TPP2: variants seen among roughly 807,000 people sequenced by gnomAD.
TPP2 encodes tripeptidyl-peptidase 2.
TPP2 carries 34 observed loss-of-function variants against 155.9 expected under a neutral mutation model. The observed-to-expected ratio is 0.22, with a 90% CI of 0.17 to 0.29. TPP2 has a LOEUF of 0.29. Among genes scored for constraint, TPP2 ranks in the 10% least tolerant of loss-of-function variants. TPP2 has a pLI of 1.00. For synonymous variants in TPP2, 510 were observed against 529.4 expected, an observed-to-expected ratio of 0.96 and a Z score of 0.50; for missense variants, 1,028 against 1,522.3, an observed-to-expected ratio of 0.68 and a Z score of 5.40.
At position 102,649,113 on chromosome 13, in the gene TPP2, T is replaced by C. The variant is rs1339863291; in HGVS notation, c.2835T>C (p.Tyr945=). ...KSSNLTLPPK[Y]NQPFFVTSLP... ...GCAATTTGACATTACCACCCAAATA[T>C]AACCAGCCATTCTTTGTTACTTCCT... Residue 945 remains tyrosine, a synonymous_variant, in exon 22 of 30, where the codon TAT becomes TAC. Coordinates refer to ENST00000376052, the MANE Select transcript of TPP2 (RefSeq NM_001330588.2). 4 of 1,611,704 alleles carry C rather than the reference T, an allele frequency of 2.5e-6. No homozygotes were observed. In the African/African-American group the frequency reaches 4.0e-5, roughly 16 times the overall value.
chr13:102,641,441 G>A (rs1366402771), intron 16 of TPP2, among the ~76,000 whole-genome samples: 1 of 152,182 alleles, frequency 6.6e-6, no homozygotes, highest in African/African-American at 2.4e-5. Flanking sequence ...GTAGATAGGT[G>A]TCATTAGTAA....
chr13:102,662,730 G>A (rs1057145845), intron 25 of TPP2, among the ~76,000 whole-genome samples: 3 of 152,042 alleles, frequency 2.0e-5, no homozygotes, highest in African/African-American at 7.2e-5. Flanking sequence ...TTATACTACT[G>A]TGCAGTTTTG....
At chr13:102,651,986 A>G (rs1883523127) in intron 24 of TPP2, among the ~76,000 whole-genome samples, 1 of 152,204 alleles carries the variant, frequency 6.6e-6, no homozygotes, top group South Asian at 2.1e-4. Flanking sequence ...GCCCATCGCT[A>G]CTAAGTGGTC....
intron 9 of TPP2, 143 bp downstream of exon 9, chr13:102,629,752 G>A: frequency 8.5e-7 from 1 of 1,174,210 alleles, no homozygotes; most frequent in South Asian, 2.1e-5. Context: ...AGTCTGGTAG[G>A]GGAACCAGCA....
At chr13:102,662,014 G>A (rs1884261520) in intron 25 of TPP2, among the ~76,000 whole-genome samples, 1 of 152,180 alleles carries the variant, frequency 6.6e-6, no homozygotes, top group Non-Finnish European at 1.5e-5. Flanking sequence ...CCAAAAGGTG[G>A]AATGTCCATC....
At chr13:102,616,749 C>T (rs902022148) in intron 4 of TPP2, among the ~76,000 whole-genome samples, 3 of 152,184 alleles carry the variant, frequency 2.0e-5, no homozygotes, top group African/African-American at 7.2e-5. Context: ...TATGAATTCT[C>T]CCATGAAAGC....
At chr13:102,645,209 G>A (rs1222678730) in intron 19 of TPP2, among the ~76,000 whole-genome samples, 200 bp downstream of exon 19, 1 of 152,136 alleles carries the variant, frequency 6.6e-6, no homozygotes, top group East Asian at 1.9e-4. Context: ...CAAAGTCAAG[G>A]ATGGTGGATA....
At chr13:102,629,661 A>G (rs1487627420) in intron 9 of TPP2, 52 bp downstream of exon 9, 4 of 1,534,160 alleles carry the variant, frequency 2.6e-6, no homozygotes, top group South Asian at 2.6e-5. Context: ...CAAACAAAAA[A>G]CAATAGTTAA....
intron 14 of TPP2, among the ~76,000 whole-genome samples, chr13:102,637,798 G>T (rs1882482034): frequency 6.6e-6 from 1 of 152,124 alleles, no homozygotes; most frequent in South Asian, 2.1e-4. Context: ...TGATCCTCCT[G>T]CCTTGGCCTC....
intron 27 of TPP2, among the ~76,000 whole-genome samples, chr13:102,665,943 T>C (rs897967682): frequency 7.9e-5 from 12 of 152,228 alleles, no homozygotes; most frequent in African/African-American, 2.4e-4. Flanking sequence ...GGATAGAATA[T>C]ATTTAAAATT....
chr13:102,643,779 G>C, intron 17 of TPP2, among the ~76,000 whole-genome samples: 1 of 152,180 alleles, frequency 6.6e-6, no homozygotes, highest in East Asian at 1.9e-4. Context: ...AACTGCTACT[G>C]CTTCATGTCT....
chr13:102,626,951 A>C, intron 6 of TPP2, 61 bp from the exon 7 acceptor site: 1 of 1,418,156 alleles, frequency 7.1e-7, no homozygotes, highest in Non-Finnish European at 9.3e-7. Flanking sequence ...ATGCAAATTG[A>C]ATTGAATAAA....
At chr13:102,628,213 G>GCCAC (rs1881777378) in intron 8 of TPP2, among the ~76,000 whole-genome samples, 1 of 152,064 alleles carries the variant, frequency 6.6e-6, no homozygotes, top group Admixed American at 6.5e-5. Context: ...CTCTTCCTTG[G>GCCAC]TTAGGTCTCC....
Position 102,616,447 on chromosome 13 carries a change from G to C in TPP2, c.442G>C (p.Glu148Gln). 1.2e-6 allele frequency: 2 copies of C among 1,612,932 alleles called. No individual in the cohort carries two copies. The highest frequency in any genetic ancestry group is 1.7e-6 in the Non-Finnish European group (2 of 1,179,486). Residue 148 changes from glutamate (E) to glutamine (Q), a missense_variant, in exon 4 of 30, where the codon GAA (glutamate) becomes CAA (glutamine). Coordinates refer to ENST00000376052, the MANE Select transcript of TPP2 (RefSeq NM_001330588.2). ...WDPVHRVALA[E>Q]ACRKQEEFDV... is the part of the protein sequence containing the mutation. ...CCCTGTTCACAGAGTGGCCCTTGCAGAAGCCTGTAGAAAACAGGAAGAATT... is the reference window on the plus strand; with the variant it reads ...CCCTGTTCACAGAGTGGCCCTTGCACAAGCCTGTAGAAAACAGGAAGAATT...
At chr13:102,638,042 CTGGTCAAA>C (rs1296782912) in intron 14 of TPP2, among the ~76,000 whole-genome samples, 189 bp from the exon 15 acceptor site, 1 of 152,198 alleles carries the variant, frequency 6.6e-6, no homozygotes, top group Non-Finnish European at 1.5e-5. Flanking sequence ...CCCATTTCAA[CTGGTCAAA>C]TGTTGCTATA....
chr13:102,649,596 T>G (rs1883358780), intron 23 of TPP2, 110 bp downstream of exon 23: 1 of 931,448 alleles, frequency 1.1e-6, no homozygotes, highest in African/African-American at 1.7e-5. Flanking sequence ...GATATACTCT[T>G]GGGGAAAAAA....
At chr13:102,614,306 G>A (rs1417117542) in intron 3 of TPP2, 110 bp downstream of exon 3, 4 of 948,668 alleles carry the variant, frequency 4.2e-6, no homozygotes, top group Non-Finnish European at 4.6e-6. Flanking sequence ...CATTAACTTA[G>A]TTTTTTGGGT....
At chr13:102,664,089 A>G (rs1884429584) in intron 26 of TPP2, among the ~76,000 whole-genome samples, 1 of 152,248 alleles carries the variant, frequency 6.6e-6, no homozygotes, top group Non-Finnish European at 1.5e-5. Context: ...CCTACTTTGC[A>G]TTAACTTTGT....
At chr13:102,670,710 T>C (rs1298371538) in intron 27 of TPP2, among the ~76,000 whole-genome samples, 1 of 152,212 alleles carries the variant, frequency 6.6e-6, no homozygotes, top group Non-Finnish European at 1.5e-5. Context: ...TTTTGTAATG[T>C]ATCAGTTATG....
Sources: allele counts gnomAD v4.1 joint callset (sites outside exome capture counted in the v4.1 genomes callset), GRCh38; gene constraint gnomAD v4.1.1; transcripts MANE v1.5; gene names NCBI Gene and HGNC (gene_info 2026-07-23, HGNC 2026-07-21).